Variants in PALLD observed in about 807,000 individuals in gnomAD.
The protein encoded by PALLD is palladin, cytoskeletal associated protein.
In PALLD, 61 loss-of-function variants were observed where a neutral mutation model predicts 123.5. The observed-to-expected ratio is 0.49, with a 90% CI of 0.40 to 0.61. The LOEUF is 0.61. Among genes scored for constraint, PALLD ranks in the 20% least tolerant of loss-of-function variants. The pLI is 0.00. For synonymous variants in PALLD, 465 were observed against 496.4 expected, an observed-to-expected ratio of 0.94 and a Z score of 0.84; for missense variants, 1,273 against 1,377.0, an observed-to-expected ratio of 0.92 and a Z score of 1.20.
chr4:168,877,823 C>T lies in PALLD; in HGVS notation c.1965-13099C>T, dbSNP rs888482223. On this transcript the variant is annotated intron_variant, in intron 10 of 21. Coordinates refer to ENST00000505667, the MANE Select transcript of PALLD (RefSeq NM_001166108.2). ...AGCCCCGCGCAGCGCGCCGCCCTCG[C>T]CCCCCTTCCCGCCGCCGCCCGCCTT... is the stretch of plus-strand genomic sequence containing the variant. The T allele has an allele frequency of 4.4e-5, 57 of 1,295,660 alleles. No homozygotes were observed. The East Asian group carries it at 7.9e-4, about 18-fold the overall frequency. 80.3% of individuals were successfully genotyped at this position (1,295,660 alleles called of 1,614,324 possible).
At chr4:168,759,460 T>C (rs922263449) in intron 10 of PALLD, among the ~76,000 whole-genome samples, 2 of 151,740 alleles carry the variant, frequency 1.3e-5, no homozygotes, top group Non-Finnish European at 2.9e-5. Context: ...TCAAGGAAAC[T>C]GAGTCACTTC....
intron 2 of PALLD, among the ~76,000 whole-genome samples, chr4:168,585,036 T>G (rs1185624129): frequency 1.3e-5 from 2 of 152,182 alleles, no homozygotes; most frequent in Admixed American, 6.5e-5. Context: ...GATAAAAATT[T>G]GACTAATTCT....
At chr4:168,549,689 C>A (rs1425110028) in intron 2 of PALLD, among the ~76,000 whole-genome samples, 1 of 151,208 alleles carries the variant, frequency 6.6e-6, no homozygotes, top group Non-Finnish European at 1.5e-5. Context: ...AGATGAGAAA[C>A]AAAGATATCC....
At chr4:168,736,367 G>C (rs73864634) in intron 10 of PALLD, among the ~76,000 whole-genome samples, 4,180 of 152,248 alleles carry the variant, frequency 0.027, 198 homozygotes, top group African/African-American at 0.094. Flanking sequence ...GCATTTGAAG[G>C]CTTTAGCCTT....
chr4:168,901,609 G>A (rs1020846432), intron 14 of PALLD, among the ~76,000 whole-genome samples: 1 of 152,204 alleles, frequency 6.6e-6, no homozygotes, highest in Non-Finnish European at 1.5e-5. Context: ...TGGAATCCCA[G>A]CACTTTGGGA....
chr4:168,904,184 T>C (rs533310793), intron 15 of PALLD: 18 of 419,870 alleles, frequency 4.3e-5, no homozygotes, highest in South Asian at 4.1e-4. Flanking sequence ...GTTGCAGTGG[T>C]AGACTGGACA....
intron 2 of PALLD, among the ~76,000 whole-genome samples, chr4:168,554,312 C>G (rs969638968): frequency 6.6e-6 from 1 of 152,216 alleles, no homozygotes; most frequent in African/African-American, 2.4e-5. Context: ...AAAGCTAACT[C>G]ACTTTTTACT....
intron 2 of PALLD, among the ~76,000 whole-genome samples, chr4:168,610,672 T>C (rs757011131): frequency 6.6e-6 from 1 of 150,486 alleles, no homozygotes. Flanking sequence ...CCAACTTCCA[T>C]TCGGGGCCAG....
At chr4:168,644,840 C>T (rs1178599309) in intron 2 of PALLD, among the ~76,000 whole-genome samples, 1 of 152,072 alleles carries the variant, frequency 6.6e-6, no homozygotes, top group Admixed American at 6.6e-5. Context: ...CAGTGGCTCA[C>T]GCCTATAATC....
intron 8 of PALLD, among the ~76,000 whole-genome samples, chr4:168,708,410 G>A (rs1581078453): frequency 6.6e-6 from 1 of 152,262 alleles, no homozygotes; most frequent in East Asian, 1.9e-4. Flanking sequence ...AGTTCAGGGA[G>A]ACTGACCAAA....
intron 10 of PALLD, among the ~76,000 whole-genome samples, chr4:168,823,495 C>T (rs371491177): frequency 5.9e-5 from 9 of 152,006 alleles, no homozygotes; most frequent in South Asian, 2.1e-4. Flanking sequence ...GACTGGGCAA[C>T]GTGGTGAGAC....
intron 2 of PALLD, among the ~76,000 whole-genome samples, chr4:168,545,769 C>G (rs1349532245): frequency 6.6e-6 from 1 of 152,050 alleles, no homozygotes; most frequent in Admixed American, 6.6e-5. Flanking sequence ...GACAAAACAA[C>G]TGAGTTTTGT....
Position 168,890,951 on chromosome 4 carries a change from C to T in PALLD, c.1994C>T (p.Ala665Val). ...LGFPKKASRT[A>V]RIASDEEIQG... is the part of the protein sequence containing the mutation. ...TTTCCAAAGAAGGCCAGTAGAACTG[C>T]TAGAATAGCCTCCGATGAGGAAATT... Residue 665 changes from alanine (A) to valine (V), a missense_variant, in exon 11 of 22, where the codon GCT becomes GTT. By Grantham distance (64) the Ala-to-Val change is moderately conservative (BLOSUM62 0). Transcript: ENST00000505667. 1.2e-6 allele frequency: 2 copies of T among 1,613,954 alleles called. No individual in the cohort carries two copies. The highest frequency in any genetic ancestry group is 1.6e-4 in the Middle Eastern group (1 of 6,062).
chr4:168,697,634 C>G (rs1458942123), intron 8 of PALLD, among the ~76,000 whole-genome samples: 1 of 152,188 alleles, frequency 6.6e-6, no homozygotes, highest in Non-Finnish European at 1.5e-5. Context: ...ACTCATCTTA[C>G]CCCCACAGAA....
chr4:168,592,935 A>C (rs1189555518), intron 2 of PALLD, among the ~76,000 whole-genome samples: 1 of 152,068 alleles, frequency 6.6e-6, no homozygotes, highest in Non-Finnish European at 1.5e-5. Context: ...CGTGTCTAGA[A>C]CCATCCCAAA....
At chr4:168,754,224 C>A (rs1234076112) in intron 10 of PALLD, among the ~76,000 whole-genome samples, 1 of 152,152 alleles carries the variant, frequency 6.6e-6, no homozygotes, top group African/African-American at 2.4e-5. Context: ...ACCTCAGGAG[C>A]CTCATCTCCT....
intron 10 of PALLD, among the ~76,000 whole-genome samples, chr4:168,790,461 CTT>C (rs982088618): frequency 1.4e-5 from 2 of 145,556 alleles, no homozygotes; most frequent in Admixed American, 6.9e-5. Flanking sequence ...TGCCTGGCAT[CTT>C]TTTTTTTTTA....
intron 10 of PALLD, chr4:168,864,443 C>T (rs1465352196): frequency 6.6e-6 from 1 of 152,214 alleles, no homozygotes; most frequent in Admixed American, 6.5e-5. Flanking sequence ...TGGTGGCCTC[C>T]TGTGTGGCAC....
At chr4:168,881,506 G>A (rs898472986) in intron 10 of PALLD, among the ~76,000 whole-genome samples, 1 of 145,678 alleles carries the variant, frequency 6.9e-6, no homozygotes, top group African/African-American at 2.5e-5. Context: ...ACTGCATGCT[G>A]TTCTGTGAGC....
Sources: gnomAD v4.1 joint callset for allele counts (sites outside exome capture counted in the v4.1 genomes callset) on GRCh38, gnomAD v4.1.1 for gene constraint, MANE v1.5 for transcripts, NCBI Gene and HGNC (gene_info 2026-07-23, HGNC 2026-07-21) for gene names.